Variants in VAPA observed in about 807,000 individuals in gnomAD.
VAPA encodes the protein VAMP associated protein A.
In VAPA, 6 loss-of-function variants were observed where a neutral mutation model predicts 25.6. That is an observed-to-expected ratio of 0.23 (90% confidence interval 0.13 to 0.46). The LOEUF is 0.46. Among genes scored for constraint, VAPA ranks in the 20% least tolerant of loss-of-function variants. The probability of loss-of-function intolerance (pLI) is 0.99; values close to 1 mark genes in which losing one functional copy is unlikely to be tolerated. For synonymous variants in VAPA, 112 were observed against 106.2 expected (o/e 1.05, Z -0.34); for missense variants, 244 against 302.1 (o/e 0.81, Z 1.43).
intron 4 of VAPA, among the ~76,000 whole-genome samples, chr18:9,946,011 C>T (rs2069419312): frequency 6.6e-6 from 1 of 152,164 alleles, no homozygotes; most frequent in African/African-American, 2.4e-5. Context: ...TGTAGGCCCA[C>T]GTTTATGTCT....
chr18:9,933,878 T>A (rs29156), intron 2 of VAPA, among the ~76,000 whole-genome samples: 1 of 152,204 alleles, frequency 6.6e-6, no homozygotes, highest in Non-Finnish European at 1.5e-5. Context: ...TAAAAATAGT[T>A]TATTGGTACA....
At chr18:9,942,634 C>T (rs552394425) in intron 4 of VAPA, among the ~76,000 whole-genome samples, 20 of 152,222 alleles carry the variant, frequency 1.3e-4, no homozygotes, top group African/African-American at 3.1e-4. Context: ...GGAAGCAGGG[C>T]GGCTTCTGCT....
intron 4 of VAPA, among the ~76,000 whole-genome samples, chr18:9,942,238 C>G (rs2069373105): frequency 6.6e-6 from 1 of 152,130 alleles, no homozygotes; most frequent in Non-Finnish European, 1.5e-5. Context: ...AGCTAATTAA[C>G]CTATCAATCA....
intron 4 of VAPA, 77 bp downstream of exon 4, chr18:9,937,143 A>C: frequency 8.1e-7 from 1 of 1,239,440 alleles, no homozygotes; most frequent in Non-Finnish European, 1.1e-6. Context: ...TTTATTTTTG[A>C]CCTTTGAGGT....
rs190301869 is a variant in VAPA, at chr18:9,934,832, C to T, written c.233-1278C>T. Among the ~76,000 whole-genome samples, 23 of 152,242 alleles carry T rather than the reference C, an allele frequency of 1.5e-4. 1 individual carries two copies. Among genetic ancestry groups the T allele is most frequent in the African/African-American group, 3.6e-4 (15 of 41,532 alleles). On this transcript the variant is annotated intron_variant, in intron 2 of 5. Transcript: ENST00000400000. ...ATTATAAATGCTTAAAAATTGCTCA[C>T]GCCTGTAATCCCAGCACTTTGGGAG...
At position 9,934,187 on chromosome 18, in the gene VAPA, C is replaced by T. The variant is rs2069285061; in HGVS notation, c.233-1923C>T. 2.0e-5 allele frequency among the ~76,000 whole-genome samples: 3 copies of T among 152,328 alleles called. 1 individual carries two copies. The highest frequency in any genetic ancestry group is 2.0e-4 in the Admixed American group (3 of 15,306). On this transcript the variant is annotated intron_variant, in intron 2 of 5. Transcript: ENST00000400000. ...CCAACAACCTTCTCTGGTTAATTCT[C>T]TGTACTACATGCTCATTTCTCTTTT... is the stretch of plus-strand genomic sequence containing the variant.
chr18:9,952,616 C>G (rs1267261713), intron 5 of VAPA, among the ~76,000 whole-genome samples: 1 of 151,166 alleles, frequency 6.6e-6, no homozygotes, highest in African/African-American at 2.4e-5. Flanking sequence ...TACAGAATTT[C>G]AGACCCTATA....
At chr18:9,930,454 C>CGT (rs2069242484) in intron 1 of VAPA, among the ~76,000 whole-genome samples, 1 of 152,074 alleles carries the variant, frequency 6.6e-6, no homozygotes, top group Non-Finnish European at 1.5e-5. Context: ...CAGTTCAAAA[C>CGT]GTATCTCCAG....
intron 4 of VAPA, chr18:9,948,438 TG>T (rs2069449704): frequency 6.6e-6 from 1 of 152,224 alleles, no homozygotes; most frequent in East Asian, 1.9e-4. Flanking sequence ...TTGACAAGAT[TG>T]TGAGAAATGA....
rs756836643 is a variant in VAPA at position 9,957,665 on chromosome 18, A to G, written c.*3454A>G. ...TTTTCTAGCTTTAAAGGGAAATTAAACCATTCATGAATAAACTTTAAAAAT... is the reference window on the plus strand; with the variant it reads ...TTTTCTAGCTTTAAAGGGAAATTAAGCCATTCATGAATAAACTTTAAAAAT... On this transcript the variant is annotated 3_prime_UTR_variant, in exon 6 of 6. Coordinates refer to ENST00000400000, the MANE Select transcript of VAPA (RefSeq NM_194434.3). The G allele has an allele frequency of 2.0e-5, 3 of 152,210 alleles. No individual in the cohort carries two copies. The highest frequency in any genetic ancestry group is 4.4e-5 in the Non-Finnish European group (3 of 68,036). 9.4% of individuals were successfully genotyped at this position (152,210 alleles called of 1,614,324 possible). A position where few individuals can be genotyped will look rare whatever the true frequency, so the allele number is the denominator to read the frequency against.
chr18:9,935,638 T>C (rs896623142), intron 2 of VAPA, among the ~76,000 whole-genome samples: 1 of 152,234 alleles, frequency 6.6e-6, no homozygotes, highest in African/African-American at 2.4e-5. Flanking sequence ...CTCCTTTAAA[T>C]ATCTCAGTTG....
intron 4 of VAPA, among the ~76,000 whole-genome samples, chr18:9,946,529 G>A (rs1261059398): frequency 6.6e-6 from 1 of 150,462 alleles, no homozygotes; most frequent in Non-Finnish European, 1.5e-5. Flanking sequence ...TATTTTATGT[G>A]TGGCCCAAGA....
At chr18:9,941,948 A>G (rs1240230929) in intron 4 of VAPA, among the ~76,000 whole-genome samples, 5 of 152,226 alleles carry the variant, frequency 3.3e-5, no homozygotes, top group Non-Finnish European at 7.4e-5. Context: ...TCTTATAGTT[A>G]TGATTGTGAT....
In VAPA at chr18:9,954,293, A is replaced by AG; in HGVS notation, c.*83dup. On this transcript the variant is annotated 3_prime_UTR_variant, in exon 6 of 6. Coordinates refer to ENST00000400000, the MANE Select transcript of VAPA (RefSeq NM_194434.3). ...TTTGTTTACCTACCATTTCATTGGTAGTATGGCCCACGGTGACCATTTTTT... is the reference window on the plus strand; with the variant it reads ...TTTGTTTACCTACCATTTCATTGGTAGGTATGGCCCACGGTGACCATTTTTT... The AG allele has an allele frequency of 2.3e-6, 3 of 1,314,960 alleles. No homozygotes were observed. Among genetic ancestry groups the AG allele is most frequent in the Non-Finnish European group, 3.1e-6 (3 of 952,434 alleles). 81.5% of individuals were successfully genotyped at this position (1,314,960 alleles called of 1,614,324 possible). A position where few individuals can be genotyped will look rare whatever the true frequency, so the allele number is the denominator to read the frequency against.
chr18:9,921,276 A>G (rs755679620), intron 1 of VAPA, among the ~76,000 whole-genome samples: 2 of 152,160 alleles, frequency 1.3e-5, no homozygotes, highest in African/African-American at 4.8e-5. Flanking sequence ...GTGGTAGGCT[A>G]TTTTGTAAAG....
intron 4 of VAPA, among the ~76,000 whole-genome samples, chr18:9,940,031 G>A (rs1043437971): frequency 6.6e-6 from 1 of 152,192 alleles, no homozygotes; most frequent in African/African-American, 2.4e-5. Context: ...CAGTGGTAGA[G>A]TTTAAAAAGG....
chr18:9,929,620 A>G (rs948616663), intron 1 of VAPA, among the ~76,000 whole-genome samples: 7 of 152,166 alleles, frequency 4.6e-5, no homozygotes, highest in Non-Finnish European at 7.4e-5. Flanking sequence ...AAAGTGGACC[A>G]GATATTTCTT....
chr18:9,922,261 T>TA, intron 1 of VAPA, among the ~76,000 whole-genome samples: 1 of 152,144 alleles, frequency 6.6e-6, no homozygotes, highest in Non-Finnish European at 1.5e-5. Context: ...TGAGCTACCA[T>TA]ACCTGGCCTG....
At chr18:9,923,660 T>C (rs1355319453) in intron 1 of VAPA, among the ~76,000 whole-genome samples, 2 of 152,102 alleles carry the variant, frequency 1.3e-5, no homozygotes, top group African/African-American at 4.8e-5. Flanking sequence ...TGTGAAAAAA[T>C]TTTACTTTTT....
Sources: gnomAD v4.1 joint callset for allele counts (sites outside exome capture counted in the v4.1 genomes callset) on GRCh38, gnomAD v4.1.1 for gene constraint, MANE v1.5 for transcripts, NCBI Gene and HGNC (gene_info 2026-07-23, HGNC 2026-07-21) for gene names.